Variants in BRINP3 observed in about 807,000 individuals in gnomAD.
BRINP3 encodes BMP/retinoic acid inducible neural specific 3.
BRINP3 carries 19 observed loss-of-function variants against 71.0 expected under a neutral mutation model. The ratio of observed to expected loss-of-function variants is 0.27; its 90% CI spans 0.19 to 0.39. The LOEUF is 0.39. Among genes scored for constraint, BRINP3 ranks in the 10% least tolerant of loss-of-function variants. The pLI, the probability that BRINP3 is intolerant of heterozygous loss-of-function variation, is 1.00. For synonymous variants in BRINP3, 380 were observed against 337.7 expected (o/e 1.13, Z -1.37); for missense variants, 959 against 940.8 (o/e 1.02, Z -0.25).
chr1:190,333,271 C>T (rs564891394), intron 2 of BRINP3, among the ~76,000 whole-genome samples: 6 of 151,976 alleles, frequency 3.9e-5, no homozygotes, highest in South Asian at 2.1e-4. Context: ...GGTGAACCTA[C>T]GATTCAATCG....
chr1:190,416,212 C>T (rs1672993750), intron 2 of BRINP3, among the ~76,000 whole-genome samples: 1 of 152,160 alleles, frequency 6.6e-6, no homozygotes, highest in South Asian at 2.1e-4. Context: ...CTCCTCCACA[C>T]CCATATTAGG....
At chr1:190,358,935 C>T (rs968744058) in intron 2 of BRINP3, among the ~76,000 whole-genome samples, 2 of 152,002 alleles carry the variant, frequency 1.3e-5, no homozygotes, top group Non-Finnish European at 2.9e-5. Context: ...ATTGCATGTT[C>T]TCATTCATAG....
intron 2 of BRINP3, among the ~76,000 whole-genome samples, chr1:190,337,542 C>T (rs978614776): frequency 2.6e-5 from 4 of 151,966 alleles, no homozygotes; most frequent in South Asian, 2.1e-4. Flanking sequence ...ATCTTTCTCC[C>T]GTGCTGAATG....
At chr1:190,386,696 G>C (rs1010603827) in intron 2 of BRINP3, among the ~76,000 whole-genome samples, 2 of 151,946 alleles carry the variant, frequency 1.3e-5, no homozygotes, top group Admixed American at 6.6e-5. Context: ...TGGGTAATTG[G>C]AGTCTCTTCA....
At chr1:190,133,948 A>AAAACAAAACAAAC (rs1557996038) in intron 7 of BRINP3, among the ~76,000 whole-genome samples, 2 of 152,120 alleles carry the variant, frequency 1.3e-5, no homozygotes, top group African/African-American at 2.4e-5. Flanking sequence ...CATAAAACAA[A>AAAACAAAACAAAC]ATATAAAAGC....
chr1:190,116,524 G>A (rs1653148156), intron 7 of BRINP3, among the ~76,000 whole-genome samples: 1 of 152,016 alleles, frequency 6.6e-6, no homozygotes, highest in South Asian at 2.1e-4. Flanking sequence ...TAAATTCAAA[G>A]TAGCATAACT....
intron 2 of BRINP3, among the ~76,000 whole-genome samples, chr1:190,385,192 A>G (rs1196349178): frequency 6.6e-6 from 1 of 152,130 alleles, no homozygotes; most frequent in Non-Finnish European, 1.5e-5. Context: ...TGTCTAAAAC[A>G]CCAAAAGCAA....
chr1:190,193,915 C>A (rs1047289056), intron 6 of BRINP3, among the ~76,000 whole-genome samples: 1 of 152,024 alleles, frequency 6.6e-6, no homozygotes, highest in Admixed American at 6.6e-5. Context: ...ACACAGATGG[C>A]CTAATAACAC....
intron 4 of BRINP3, among the ~76,000 whole-genome samples, chr1:190,248,143 T>C (rs1268551328): frequency 6.6e-6 from 1 of 151,856 alleles, no homozygotes; most frequent in Admixed American, 6.6e-5. Flanking sequence ...ATCCATAATT[T>C]TAGTTATTTT....
chr1:190,274,807 A>G (rs1662411199), intron 3 of BRINP3, among the ~76,000 whole-genome samples: 1 of 151,544 alleles, frequency 6.6e-6, no homozygotes, highest in African/African-American at 2.4e-5. Context: ...GGGGGAAAAA[A>G]GTGTTTTAGA....
In BRINP3 at chr1:190,098,408, A is replaced by C; in HGVS notation, c.1911T>G (p.Gly637=). 8.7e-6 allele frequency: 14 copies of C among 1,614,172 alleles called. No individual in the cohort carries two copies. Among genetic ancestry groups the C allele is most frequent in the Non-Finnish European group, 1.2e-5 (14 of 1,180,036 alleles). ...IYLRSRIKSN[G]PNGNESIYYE... ...AGTAAATGCTCTCATTACCATTGGG[A>C]CCATTGGACTTGATGCGACTTCTCA... Residue 637 remains glycine (G), a synonymous_variant, in exon 8 of 8, where the codon GGT becomes GGG. Coordinates refer to ENST00000367462, the MANE Select transcript of BRINP3 (RefSeq NM_199051.3).
At chr1:190,207,735 C>A (rs1048883885) in intron 6 of BRINP3, among the ~76,000 whole-genome samples, 1 of 152,042 alleles carries the variant, frequency 6.6e-6, no homozygotes, top group Non-Finnish European at 1.5e-5. Flanking sequence ...TTTACAAATG[C>A]ATATAAAATA....
intron 2 of BRINP3, among the ~76,000 whole-genome samples, chr1:190,337,942 G>A (rs718609): frequency 0.21 from 31,421 of 151,776 alleles, 3,688 homozygotes; most frequent in Middle Eastern, 0.29. Flanking sequence ...ACTTTTATAC[G>A]TGAAATGGGT....
At chr1:190,245,739 C>A (rs1270496932) in intron 4 of BRINP3, among the ~76,000 whole-genome samples, 1 of 145,666 alleles carries the variant, frequency 6.9e-6, no homozygotes, top group Admixed American at 6.9e-5. Flanking sequence ...TCTCCTAATG[C>A]TATCCCTCCC....
intron 7 of BRINP3, among the ~76,000 whole-genome samples, chr1:190,143,943 T>C (rs1449170203): frequency 6.6e-6 from 1 of 152,182 alleles, no homozygotes; most frequent in Non-Finnish European, 1.5e-5. Flanking sequence ...AATAAAACAT[T>C]AATCTAATTT....
chr1:190,394,578 T>A (rs938710754), intron 2 of BRINP3, among the ~76,000 whole-genome samples: 2 of 151,538 alleles, frequency 1.3e-5, no homozygotes, highest in East Asian at 1.9e-4. Flanking sequence ...GATAAGACCC[T>A]TAAAATATCA....
At chr1:190,353,169 T>C (rs901237663) in intron 2 of BRINP3, among the ~76,000 whole-genome samples, 2 of 152,072 alleles carry the variant, frequency 1.3e-5, no homozygotes, top group Non-Finnish European at 2.9e-5. Context: ...GGCCTTTTTA[T>C]AATAAGTTCC....
chr1:190,385,458 C>G (rs577743338), intron 2 of BRINP3, among the ~76,000 whole-genome samples: 1 of 151,926 alleles, frequency 6.6e-6, no homozygotes, highest in African/African-American at 2.4e-5. Context: ...GACATTTATG[C>G]AGCCAAAAAA....
intron 2 of BRINP3, among the ~76,000 whole-genome samples, chr1:190,369,018 A>C (rs545744663): frequency 6.6e-6 from 1 of 152,218 alleles, no homozygotes; most frequent in African/African-American, 2.4e-5. Context: ...CCCAGCCCTC[A>C]GTTTGGTCTG....
Sources: gnomAD v4.1 joint callset for allele counts (sites outside exome capture counted in the v4.1 genomes callset) on GRCh38, gnomAD v4.1.1 for gene constraint, MANE v1.5 for transcripts, NCBI Gene and HGNC (gene_info 2026-07-23, HGNC 2026-07-21) for gene names.